The following CRB1 variants were observed in gnomAD, a reference collection of about 807,000 sequenced individuals.
CRB1 encodes the protein protein crumbs homolog 1.
In CRB1, 83 loss-of-function variants were observed where a neutral mutation model predicts 120.0. The observed-to-expected ratio is 0.69, with a 90% CI of 0.58 to 0.83. The LOEUF (loss-of-function observed/expected upper bound fraction) is 0.83. Among genes scored for constraint, CRB1 ranks in the 40% least tolerant of loss-of-function variants. The pLI, the probability that CRB1 is intolerant of heterozygous loss-of-function variation, is 0.00. For synonymous variants in CRB1, 625 were observed against 612.5 expected, an observed-to-expected ratio of 1.02 and a Z score of -0.30; for missense variants, 1,699 against 1,687.6, an observed-to-expected ratio of 1.01 and a Z score of -0.12.
At chr1:197,252,574 A>ATGTGTGTG in the CRB1 span, among the ~76,000 whole-genome samples, 2 of 41,834 alleles carry the variant, frequency 4.8e-5, no homozygotes, top group African/African-American at 7.0e-5. Context: ...ATATATATAT[A>ATGTGTGTG]TATATATATG....
the CRB1 span, among the ~76,000 whole-genome samples, chr1:197,226,236 A>G: frequency 6.6e-6 from 1 of 152,200 alleles, no homozygotes; most frequent in African/African-American, 2.4e-5. Flanking sequence ...AGGTCATCAA[A>G]TATCCTTACA....
chr1:197,328,960 TGAAATAG>T lies in CRB1; in HGVS notation c.613_619del (p.Ile205AspfsTer13), dbSNP rs62645752. ...GCAAGAACGAGGCTACATGCCTCAA[TGAAATAG>T]GAAGATATACTTGTATCTGTCCCCA... On this transcript the variant is annotated frameshift_variant, in exon 2 of 12. Transcript: ENST00000367400. LOFTEE classifies it high-confidence loss of function. The T allele has an allele frequency of 2.6e-5, 42 of 1,613,986 alleles. No homozygotes were observed. Among genetic ancestry groups the T allele is most frequent in the Admixed American group, 1.0e-4 (6 of 60,010 alleles).
chr1:197,285,320 G>A (rs920209057), intron 1 of CRB1, among the ~76,000 whole-genome samples: 13 of 151,738 alleles, frequency 8.6e-5, no homozygotes, highest in African/African-American at 3.1e-4. Context: ...GAGAGATGAT[G>A]GGGACAGAAA....
At chr1:197,254,016 C>T in the CRB1 span, among the ~76,000 whole-genome samples, 27 of 152,088 alleles carry the variant, frequency 1.8e-4, no homozygotes, top group Admixed American at 6.6e-4. Flanking sequence ...ATGCTTCAGG[C>T]AGCTATTGAT....
chr1:197,401,193 G>A (rs1195445408), intron 5 of CRB1, among the ~76,000 whole-genome samples: 2 of 151,924 alleles, frequency 1.3e-5, no homozygotes, highest in Admixed American at 6.5e-5. Flanking sequence ...ATTGTAGAGT[G>A]TGGGTTTTTT....
chr1:197,225,185 G>A, the CRB1 span, among the ~76,000 whole-genome samples: 1 of 151,618 alleles, frequency 6.6e-6, no homozygotes, highest in African/African-American at 2.4e-5. Context: ...AGATGGCCTG[G>A]CTCCAGGGCC....
intron 10 of CRB1, chr1:197,441,683 T>TG (rs1571570999): frequency 7.1e-6 from 1 of 140,542 alleles, no homozygotes; most frequent in Non-Finnish European, 1.5e-5. Flanking sequence ...TTTTTTTTTT[T>TG]GGTTTCTCTT....
chr1:197,205,930 A>C, the CRB1 span, among the ~76,000 whole-genome samples: 1 of 147,412 alleles, frequency 6.8e-6, no homozygotes, highest in Non-Finnish European at 1.5e-5. Context: ...TTTCAATTTC[A>C]CTACTTGTTA....
intron 5 of CRB1, among the ~76,000 whole-genome samples, chr1:197,405,345 C>T (rs890081278): frequency 6.6e-6 from 1 of 152,018 alleles, no homozygotes; most frequent in Non-Finnish European, 1.5e-5. Flanking sequence ...CCCGAGGTGC[C>T]GGGATTGCAG....
rs1334984837 is a variant in CRB1, at chr1:197,429,571, T to C, written c.2799T>C (p.Cys933=). Reference sequence around the variant, plus strand: ...TTCAGTGGTGTGGATTCAGCCCGTGTCCTCACGGAGCCCAGTGCCAGCCGG... The same window carrying C: ...TTCAGTGGTGTGGATTCAGCCCGTGCCCTCACGGAGCCCAGTGCCAGCCGG... ...EEVQWCGFSP[C]PHGAQCQPVL... is the part of the protein sequence containing the mutation. The change falls in exon 8 of 12, where the codon TGT becomes TGC. Residue 933 remains cysteine, a synonymous_variant. Transcript: ENST00000367400. The C allele has an allele frequency of 1.1e-5, 18 of 1,614,044 alleles. No homozygotes were observed. The highest frequency in any genetic ancestry group is 1.4e-5 in the Non-Finnish European group (17 of 1,179,960).
At chr1:197,389,546 C>T (rs1005151569) in intron 5 of CRB1, among the ~76,000 whole-genome samples, 3 of 151,870 alleles carry the variant, frequency 2.0e-5, no homozygotes, top group African/African-American at 7.3e-5. Context: ...GGAAGGGAAG[C>T]GAGAATTTGG....
chr1:197,460,883 A>T (rs1176269666), intron 11 of CRB1, among the ~76,000 whole-genome samples: 1 of 152,148 alleles, frequency 6.6e-6, no homozygotes, highest in East Asian at 1.9e-4. Flanking sequence ...CATGGGACCA[A>T]CTGTGTCCAG....
chr1:197,343,909 C>T (rs1227134302), intron 2 of CRB1, among the ~76,000 whole-genome samples: 1 of 152,196 alleles, frequency 6.6e-6, no homozygotes, highest in African/African-American at 2.4e-5. Flanking sequence ...TGAGCTCTTA[C>T]CCACTGTTCT....
At chr1:197,276,241 G>A (rs1655199665) in intron 1 of CRB1, among the ~76,000 whole-genome samples, 1 of 151,552 alleles carries the variant, frequency 6.6e-6, no homozygotes, top group Non-Finnish European at 1.5e-5. Flanking sequence ...GTAGGAATTA[G>A]CATGACTATT....
chr1:197,235,258 G>A, the CRB1 span, among the ~76,000 whole-genome samples: 1 of 152,194 alleles, frequency 6.6e-6, no homozygotes, highest in Non-Finnish European at 1.5e-5. Flanking sequence ...CTTTCAAAGG[G>A]GGAATGCTTC....
chr1:197,407,321 G>A (rs1384665137), intron 5 of CRB1, among the ~76,000 whole-genome samples: 1 of 152,192 alleles, frequency 6.6e-6, no homozygotes, highest in African/African-American at 2.4e-5. Context: ...TGGCCAAATA[G>A]AAGTTTTAAA....
At chr1:197,475,852 G>T (rs976997949) in intron 11 of CRB1, among the ~76,000 whole-genome samples, 3 of 151,876 alleles carry the variant, frequency 2.0e-5, no homozygotes, top group African/African-American at 7.3e-5. Flanking sequence ...GTCACACTGG[G>T]TTTCTTACTC....
In CRB1 at chr1:197,421,110, C is replaced by T; in HGVS notation, c.1282C>T (p.Leu428Phe). The T allele has an allele frequency of 6.2e-7, 1 of 1,614,154 alleles. No homozygotes were observed. The highest frequency in any genetic ancestry group is 8.5e-7 in the Non-Finnish European group (1 of 1,180,028). Reference protein sequence around the residue: ...NYTCHCPFDNLSRTFYGGRDC... With the variant: ...NYTCHCPFDNFSRTFYGGRDC... ...TACTTGCCATTGCCCATTTGATAAC[C>T]TTTCTAGAACTTTTTATGGAGGAAG... The change falls in exon 6 of 12, where the codon CTT becomes TTT. Residue 428 changes from leucine (L) to phenylalanine (F), a missense_variant. Transcript: ENST00000367400.
At chr1:197,264,885 A>T (rs2125190916), upstream of CRB1, among the ~76,000 whole-genome samples, 1 of 152,018 alleles carries the variant, frequency 6.6e-6, no homozygotes, top group South Asian at 2.1e-4. Flanking sequence ...TCAGCCTCCC[A>T]GAGTGCTGGG....
Sources: allele counts gnomAD v4.1 joint callset (sites outside exome capture counted in the v4.1 genomes callset), GRCh38; gene constraint gnomAD v4.1.1; transcripts MANE v1.5; gene names NCBI Gene and HGNC (gene_info 2026-07-23, HGNC 2026-07-21).